FOXP1: variants seen among roughly 807,000 people sequenced by gnomAD.
The protein encoded by FOXP1 is forkhead box protein P1.
FOXP1 carries 15 observed loss-of-function variants against 98.2 expected under a neutral mutation model. The ratio of observed to expected loss-of-function variants is 0.15; its 90% CI spans 0.10 to 0.24. The LOEUF is 0.24. Ranked by LOEUF, FOXP1 falls within the 10% of genes least tolerant of loss-of-function variation. The pLI is 1.00. For synonymous variants in FOXP1, 371 were observed against 314.5 expected, an observed-to-expected ratio of 1.18 and a Z score of -1.90; for missense variants, 633 against 848.5, an observed-to-expected ratio of 0.75 and a Z score of 3.15.
intron 3 of FOXP1, among the ~76,000 whole-genome samples, chr3:71,489,923 C>T (rs766282300): frequency 2.6e-5 from 4 of 152,206 alleles, no homozygotes; most frequent in African/African-American, 9.7e-5. Context: ...ACCTCTGTAA[C>T]TCTGACCCTG....
intron 7 of FOXP1, among the ~76,000 whole-genome samples, chr3:71,065,377 C>CA (rs1393044629): frequency 6.6e-6 from 1 of 152,202 alleles, no homozygotes; most frequent in Non-Finnish European, 1.5e-5. Flanking sequence ...CTCGCGGCGC[C>CA]AAGCCGACTG....
rs1051813862 is a variant in FOXP1 at position 71,097,822 on chromosome 3, G to A, written c.282+14714C>T. Among the ~76,000 whole-genome samples, 45 of 152,162 alleles carry A rather than the reference G, an allele frequency of 3.0e-4. 2 individuals are homozygous for A. The highest frequency in any genetic ancestry group is 2.9e-5 in the Non-Finnish European group (2 of 68,030). Reference sequence around the variant, plus strand: ...ATTTCCAGGAAATTGAATTTCTAGAGTGCCACCTTTGACTATCCAAGACAA... The same window carrying A: ...ATTTCCAGGAAATTGAATTTCTAGAATGCCACCTTTGACTATCCAAGACAA... On this transcript the variant is annotated intron_variant, in intron 7 of 20. Coordinates refer to ENST00000649528, the MANE Select transcript of FOXP1 (RefSeq NM_001349338.3).
At position 71,198,410 on chromosome 3, in the gene FOXP1, A is replaced by G. The variant is rs1317803791; in HGVS notation, c.-11-18T>C. 1 of 498,070 alleles carries G rather than the reference A, an allele frequency of 2.0e-6. No homozygotes were observed. The allele number at this position is 498,070 out of a possible 1,614,324, so 30.9% of individuals were successfully genotyped here. A position where few individuals can be genotyped will look rare whatever the true frequency, so the allele number is the denominator to read the frequency against. On this transcript the variant is annotated intron_variant, in intron 5 of 20. Transcript: ENST00000649528. ...TCAAAAACCTGATACAAGGATTTCC[A>G]AGATGGGGGGAGGGAGGGGGGGAGA...
intron 4 of FOXP1, among the ~76,000 whole-genome samples, chr3:71,355,671 C>G (rs1369811914): frequency 3.9e-5 from 6 of 152,188 alleles, no homozygotes; most frequent in African/African-American, 9.7e-5. Flanking sequence ...TATCTCCACA[C>G]AGTGAACATG....
chr3:71,022,467 C>T (rs1188129883), intron 11 of FOXP1, among the ~76,000 whole-genome samples: 2 of 152,058 alleles, frequency 1.3e-5, no homozygotes, highest in Non-Finnish European at 2.9e-5. Context: ...AGCAGCTGAA[C>T]TTTTTGAAGA....
intron 13 of FOXP1, among the ~76,000 whole-genome samples, chr3:70,999,078 G>A (rs6768948): frequency 0.13 from 20,113 of 152,046 alleles, 1,842 homozygotes; most frequent in East Asian, 0.33. Flanking sequence ...ATTCTGGTAG[G>A]AAGGTAGTTT....
intron 13 of FOXP1, among the ~76,000 whole-genome samples, chr3:70,991,924 A>T (rs2040662044): frequency 6.6e-6 from 1 of 152,208 alleles, no homozygotes; most frequent in Non-Finnish European, 1.5e-5. Context: ...CATAGGTCTT[A>T]GTCTCCCTCC....
At chr3:71,567,691 C>T (rs896073273) in intron 2 of FOXP1, among the ~76,000 whole-genome samples, 33 of 152,082 alleles carry the variant, frequency 2.2e-4, no homozygotes, top group African/African-American at 7.7e-4. Flanking sequence ...TGATGGGGCT[C>T]GATTAGCTTG....
At chr3:71,131,420 A>AAG (rs2059563878) in intron 6 of FOXP1, among the ~76,000 whole-genome samples, 1 of 151,846 alleles carries the variant, frequency 6.6e-6, no homozygotes, top group Admixed American at 6.6e-5. Context: ...AAAAAAAAAA[A>AAG]AAGGAGGAAG....
At chr3:71,158,243 A>G (rs1360053851) in intron 6 of FOXP1, among the ~76,000 whole-genome samples, 1 of 151,986 alleles carries the variant, frequency 6.6e-6, no homozygotes, top group African/African-American at 2.4e-5. Context: ...GAGAGACAGA[A>G]AGAGTGAGTG....
chr3:71,565,943 T>C (rs976887097), intron 2 of FOXP1, among the ~76,000 whole-genome samples: 1 of 152,138 alleles, frequency 6.6e-6, no homozygotes, highest in African/African-American at 2.4e-5. Flanking sequence ...ACAAATGAGA[T>C]ATAAATAAAT....
intron 6 of FOXP1, among the ~76,000 whole-genome samples, chr3:71,142,839 A>T (rs887627184): frequency 2.0e-5 from 3 of 152,216 alleles, no homozygotes; most frequent in African/African-American, 7.2e-5. Flanking sequence ...CAAAAAACTA[A>T]CACACGCAGA....
At chr3:71,460,258 T>C (rs1477827935) in intron 3 of FOXP1, among the ~76,000 whole-genome samples, 1 of 147,912 alleles carries the variant, frequency 6.8e-6, no homozygotes, top group Non-Finnish European at 1.5e-5. Flanking sequence ...TGTTTGTTTT[T>C]TGTGACAGTC....
intron 4 of FOXP1, among the ~76,000 whole-genome samples, chr3:71,313,057 C>CCT (rs2074808068): frequency 1.7e-5 from 2 of 119,020 alleles, no homozygotes; most frequent in African/African-American, 3.2e-5. Context: ...AACTTTAATT[C>CCT]TTTTTTTTTT....
intron 4 of FOXP1, among the ~76,000 whole-genome samples, chr3:71,354,649 TTCTTTGCCA>T (rs2078034771): frequency 6.6e-6 from 1 of 152,210 alleles, no homozygotes; most frequent in Non-Finnish European, 1.5e-5. Flanking sequence ...GGAATCAAGG[TTCTTTGCCA>T]TCTTTGCCAC....
intron 3 of FOXP1, among the ~76,000 whole-genome samples, chr3:71,403,725 C>A (rs2082099722): frequency 6.6e-6 from 1 of 152,096 alleles, no homozygotes; most frequent in Non-Finnish European, 1.5e-5. Context: ...GTGGCAGGCA[C>A]CTGTAGTCCC....
intron 2 of FOXP1, among the ~76,000 whole-genome samples, chr3:71,550,320 T>C (rs1271420844): frequency 1.3e-5 from 2 of 152,210 alleles, no homozygotes; most frequent in Admixed American, 6.5e-5. Flanking sequence ...ATCCTACCTA[T>C]TCCACTTATC....
intron 6 of FOXP1, among the ~76,000 whole-genome samples, chr3:71,138,190 C>T (rs145921515): frequency 6.6e-6 from 1 of 152,282 alleles, no homozygotes; most frequent in African/African-American, 2.4e-5. Flanking sequence ...GTCTGGAGAA[C>T]ACACGTGGAG....
intron 5 of FOXP1, among the ~76,000 whole-genome samples, chr3:71,253,805 C>T (rs544436339): frequency 1.6e-4 from 24 of 151,906 alleles, no homozygotes; most frequent in Non-Finnish European, 2.9e-4. Flanking sequence ...AGTATGTACC[C>T]GTTAAAAATG....
Sources: allele counts gnomAD v4.1 joint callset (sites outside exome capture counted in the v4.1 genomes callset), GRCh38; gene constraint gnomAD v4.1.1; transcripts MANE v1.5; gene names NCBI Gene and HGNC (gene_info 2026-07-23, HGNC 2026-07-21).